Variants in TMEM131 observed in about 807,000 individuals in gnomAD.
The protein encoded by TMEM131 is 2610524E03Rik.
Under a neutral mutation model 211.6 loss-of-function variants are expected in TMEM131, and 66 were observed. The observed-to-expected ratio is 0.31, with a 90% CI of 0.26 to 0.38. TMEM131 has a LOEUF of 0.38. TMEM131 is among the 10% of genes least tolerant of loss of function. The pLI is 1.00. For missense variants in TMEM131, 2,036 were observed against 2,299.3 expected, an observed-to-expected ratio of 0.89 and a Z score of 2.34; for synonymous variants, 844 against 841.3, an observed-to-expected ratio of 1.00 and a Z score of -0.06.
chr2:97,846,384 T>C (rs1398312159), intron 5 of TMEM131, among the ~76,000 whole-genome samples: 1 of 152,188 alleles, frequency 6.6e-6, no homozygotes, highest in Non-Finnish European at 1.5e-5. Context: ...CAATTCTAGT[T>C]CAACATTCAA....
intron 5 of TMEM131, among the ~76,000 whole-genome samples, chr2:97,846,796 A>C (rs1683459800): frequency 6.6e-6 from 1 of 152,172 alleles, no homozygotes. Flanking sequence ...CTACCACAGC[A>C]TTTAATGGTG....
intron 11 of TMEM131, chr2:97,827,207 C>T (rs1160182486): frequency 1.1e-5 from 8 of 709,290 alleles, no homozygotes; most frequent in African/African-American, 1.8e-5. Context: ...TGGCGCGCCG[C>T]GGCCCGCAGG....
chr2:97,812,493 T>C lies in TMEM131; in HGVS notation c.1791A>G (p.Glu597=). The part of the protein sequence containing the change: ...DGLSIELVAV[E]RGNRTTIISS... ...AAATTATTGTAGTTCTATTGCCTCT[T>C]TCCACAGCTACAAGTTCTATTGATA... Residue 597 remains glutamate (E), a synonymous_variant, in exon 17 of 41, where the codon GAA becomes GAG. Coordinates refer to ENST00000186436, the MANE Select transcript of TMEM131 (RefSeq NM_015348.2). 1 of 1,613,182 alleles carries C rather than the reference T, an allele frequency of 6.2e-7. No individual in the cohort carries two copies. The highest frequency in any genetic ancestry group is 2.2e-5 in the East Asian group (1 of 44,806).
intron 1 of TMEM131, among the ~76,000 whole-genome samples, chr2:97,938,325 T>G (rs1044697756): frequency 2.0e-5 from 3 of 151,370 alleles, no homozygotes; most frequent in African/African-American, 7.3e-5. Flanking sequence ...AATAAAGGGG[T>G]GGAGGAAAAT....
At chr2:97,948,471 T>C (rs1344378227) in intron 1 of TMEM131, among the ~76,000 whole-genome samples, 1 of 152,016 alleles carries the variant, frequency 6.6e-6, no homozygotes, top group Non-Finnish European at 1.5e-5. Flanking sequence ...AAATCCTTAG[T>C]CATTAGGAAA....
At chr2:97,991,538 G>A (rs1680265634) in intron 1 of TMEM131, among the ~76,000 whole-genome samples, 1 of 152,150 alleles carries the variant, frequency 6.6e-6, no homozygotes, top group South Asian at 2.1e-4. Context: ...ATTCTGCCCT[G>A]GACACATGCA....
intron 5 of TMEM131, among the ~76,000 whole-genome samples, chr2:97,855,502 C>A (rs1178445792): frequency 6.6e-6 from 1 of 152,148 alleles, no homozygotes. Context: ...GAGTTTGAGA[C>A]CAGCCTGGCC....
Position 97,966,471 on chromosome 2 carries a change from C to T in TMEM131, c.187+29005G>A, listed in dbSNP as rs181466333. On this transcript the variant is annotated intron_variant, in intron 1 of 40. Transcript: ENST00000186436. ...GAACACAATAAATAAAAGGTATAAA[C>T]TACTTGAGGCCAGGAATCACCCCTT... Among the ~76,000 whole-genome samples, 35 of 152,250 alleles carry T rather than the reference C, an allele frequency of 2.3e-4. No homozygotes were observed. In the East Asian group the frequency reaches 5.0e-3, roughly 22 times the overall value.
chr2:97,825,070 CTT>C (rs546218551), intron 11 of TMEM131, among the ~76,000 whole-genome samples: 27 of 152,300 alleles, frequency 1.8e-4, no homozygotes, highest in Admixed American at 5.2e-4. Flanking sequence ...CCCAGTTTCT[CTT>C]TGTCTTTGAG....
intron 39 of TMEM131, chr2:97,759,361 C>T (rs1678690537): frequency 1.9e-6 from 1 of 528,252 alleles, no homozygotes; most frequent in Non-Finnish European, 3.4e-6. Flanking sequence ...ACCCCTGGCA[C>T]ACTCAGGGGT....
chr2:97,822,488 G>A (rs1385215740), intron 11 of TMEM131, among the ~76,000 whole-genome samples: 4 of 152,154 alleles, frequency 2.6e-5, no homozygotes, highest in Non-Finnish European at 4.4e-5. Flanking sequence ...TTTATAGGAT[G>A]GGGTAAAGTC....
intron 11 of TMEM131, among the ~76,000 whole-genome samples, chr2:97,829,868 T>C (rs1325885425): frequency 2.6e-5 from 4 of 152,178 alleles, no homozygotes; most frequent in Non-Finnish European, 5.9e-5. Context: ...ACAATATTTT[T>C]TGAGTGTTAT....
chr2:97,793,803 G>A (rs541304373), intron 29 of TMEM131, among the ~76,000 whole-genome samples: 2 of 151,706 alleles, frequency 1.3e-5, no homozygotes, highest in South Asian at 4.2e-4. Flanking sequence ...CACCATCCTG[G>A]CTAACATGGT....
At chr2:97,957,096 C>A (rs1295641114) in intron 1 of TMEM131, among the ~76,000 whole-genome samples, 555 of 115,834 alleles carry the variant, frequency 4.8e-3, no homozygotes, top group South Asian at 6.5e-3. Flanking sequence ...GACTCCGTCT[C>A]AAAAAAAAAA....
chr2:97,903,759 A>C (rs10200949), intron 3 of TMEM131, among the ~76,000 whole-genome samples: 113,917 of 151,994 alleles, frequency 0.75, 44,348 homozygotes, highest in African/African-American at 0.87. Context: ...TCTCGGCTCA[A>C]TGCAACTTCC....
At chr2:97,758,784 G>A in intron 40 of TMEM131, 109 bp downstream of exon 40, 1 of 1,397,626 alleles carries the variant, frequency 7.2e-7, no homozygotes, top group Admixed American at 2.4e-5. Flanking sequence ...CCCCTCTGAT[G>A]CTGCTGTTTG....
intron 1 of TMEM131, among the ~76,000 whole-genome samples, chr2:97,956,477 G>A (rs1678571380): frequency 6.6e-6 from 1 of 151,314 alleles, no homozygotes; most frequent in Non-Finnish European, 1.5e-5. Flanking sequence ...AAGTTTCAGG[G>A]TACAAATTAA....
chr2:97,813,935 G>T, intron 15 of TMEM131, 36 bp downstream of exon 15: 1 of 1,473,342 alleles, frequency 6.8e-7, no homozygotes. Flanking sequence ...AAGGTGGGCA[G>T]GGAGTTTAAA....
At chr2:97,962,924 C>T (rs2104573366) in intron 1 of TMEM131, among the ~76,000 whole-genome samples, 1 of 152,268 alleles carries the variant, frequency 6.6e-6, no homozygotes, top group Admixed American at 6.5e-5. Context: ...TAGTATGATT[C>T]CATTTATTTA....
Sources: allele counts gnomAD v4.1 joint callset (sites outside exome capture counted in the v4.1 genomes callset), GRCh38; gene constraint gnomAD v4.1.1; transcripts MANE v1.5; gene names NCBI Gene and HGNC (gene_info 2026-07-23, HGNC 2026-07-21).